CERK: variants seen among roughly 807,000 people sequenced by gnomAD.
CERK encodes the protein ceramide kinase, also known as acylsphingosine kinase.
CERK carries 39 observed loss-of-function variants against 63.4 expected under a neutral mutation model. That is an observed-to-expected ratio of 0.61 (90% CI 0.48 to 0.80). The LOEUF is 0.80. Among genes scored for constraint, CERK ranks in the 30% least tolerant of loss-of-function variants. CERK has a pLI of 0.00. For missense variants in CERK, 670 were observed against 714.1 expected, an observed-to-expected ratio of 0.94 and a Z score of 0.70; for synonymous variants, 302 against 280.0, an observed-to-expected ratio of 1.08 and a Z score of -0.78.
At chr22:46,700,324 C>T (rs915583407) in intron 7 of CERK, among the ~76,000 whole-genome samples, 13 of 152,060 alleles carry the variant, frequency 8.5e-5, no homozygotes, top group Non-Finnish European at 2.9e-5. Flanking sequence ...ACCCGGGAGG[C>T]GGAGGTTGCA....
At position 46,711,091 on chromosome 22, in the gene CERK, G is replaced by T; in HGVS notation, c.564C>A (p.Tyr188Ter). 6.2e-7 allele frequency: 1 copy of T among 1,612,490 alleles called. No individual in the cohort carries two copies. The highest frequency in any genetic ancestry group is 1.7e-5 in the Admixed American group (1 of 59,920). The change falls in exon 5 of 13, where the codon TAC (tyrosine) becomes TAA (stop). Residue 188 changes from tyrosine to a stop codon, truncating the protein, a stop_gained. Coordinates refer to ENST00000216264, the MANE Select transcript of CERK (RefSeq NM_022766.6). LOFTEE classifies it high-confidence loss of function. Reference protein sequence around the residue: ...ETLYEINIDKYDGIVCVGGDG... With the variant: ...ETLYEINIDK ...ATGAAAGACGGCTTACTCACCCGTC[G>T]TATTTGTCTATGTTAATCTCATACA...
chr22:46,712,050 G>A, intron 4 of CERK, 118 bp downstream of exon 4: 5 of 1,118,576 alleles, frequency 4.5e-6, no homozygotes, highest in Non-Finnish European at 6.4e-6. Flanking sequence ...TTGCACCACT[G>A]CACTCCAGCC....
At chr22:46,727,978 C>T (rs764054298) in intron 1 of CERK, among the ~76,000 whole-genome samples, 7 of 152,180 alleles carry the variant, frequency 4.6e-5, no homozygotes, top group Non-Finnish European at 5.9e-5. Flanking sequence ...GCACAGCCCA[C>T]GTGGCAGCCA....
At chr22:46,694,230 C>T (rs1232246762) in intron 9 of CERK, among the ~76,000 whole-genome samples, 20 of 152,180 alleles carry the variant, frequency 1.3e-4, no homozygotes, top group Non-Finnish European at 2.9e-5. Context: ...TGTCCTCAGC[C>T]CCAGGCAGAG....
At chr22:46,701,405 A>C (rs1254503691) in intron 7 of CERK, among the ~76,000 whole-genome samples, 1 of 152,276 alleles carries the variant, frequency 6.6e-6, no homozygotes, top group Non-Finnish European at 1.5e-5. Context: ...CGTGGGAAAG[A>C]ACTCGGCCCA....
intron 1 of CERK, among the ~76,000 whole-genome samples, chr22:46,736,256 A>C (rs1458790758): frequency 6.6e-6 from 1 of 152,202 alleles, no homozygotes; most frequent in African/African-American, 2.4e-5. Flanking sequence ...AGAAACCATA[A>C]TGGGAGCTGG....
rs141210280 is a variant in CERK at position 46,691,056 on chromosome 22, TACACACACACACAC to T, written c.1332+502_1332+515del. ...ACATACACACACATGTATACATACATACACACACACACACACACACACACACACATATATTTGAG... is the reference window on the plus strand; with the variant it reads ...ACATACACACACATGTATACATACATACACACACACACACATATATTTGAG... On this transcript the variant is annotated intron_variant, in intron 11 of 12. Transcript: ENST00000216264. Among the ~76,000 whole-genome samples, 453 of 147,304 alleles carry T rather than the reference TACACACACACACAC, an allele frequency of 3.1e-3. 1 individual carries two copies. Among genetic ancestry groups the T allele is most frequent in the African/African-American group, 0.011 (438 of 39,752 alleles).
At chr22:46,691,835 G>C in intron 10 of CERK, 58 bp from the exon 11 acceptor site, 1 of 1,468,074 alleles carries the variant, frequency 6.8e-7, no homozygotes, top group Non-Finnish European at 9.3e-7. Context: ...GCAGCGCCCT[G>C]CACCAGGACG....
At chr22:46,720,334 C>A in intron 2 of CERK, 126 bp from the exon 3 acceptor site, 1 of 1,051,310 alleles carries the variant, frequency 9.5e-7, no homozygotes, top group Non-Finnish European at 1.3e-6. Flanking sequence ...GGTTCTCCTC[C>A]CTTCTAATTA....
At chr22:46,720,860 GAATT>G (rs1472299167) in intron 2 of CERK, 38 bp downstream of exon 2, 7 of 1,205,168 alleles carry the variant, frequency 5.8e-6, no homozygotes, top group Non-Finnish European at 6.2e-6. Flanking sequence ...AATCTACATA[GAATT>G]AATGAAGAAT....
intron 3 of CERK, among the ~76,000 whole-genome samples, chr22:46,716,668 G>A (rs888445613): frequency 6.6e-6 from 1 of 152,032 alleles, no homozygotes; most frequent in Admixed American, 6.5e-5. Context: ...GCTGGGCATG[G>A]TGGCTCATGC....
At chr22:46,709,103 C>T (rs1304431421) in intron 5 of CERK, among the ~76,000 whole-genome samples, 3 of 152,158 alleles carry the variant, frequency 2.0e-5, no homozygotes, top group African/African-American at 7.2e-5. Flanking sequence ...GCCTTCCCAG[C>T]GGGGCTGTGG....
Position 46,691,750 on chromosome 22 carries a change from C to A in CERK, c.1154G>T (p.Cys385Phe), listed in dbSNP as rs1169296910. Residue 385 changes from cysteine to phenylalanine, a missense_variant, in exon 11 of 13, where the codon TGT becomes TTT. By Grantham distance (205) the Cys-to-Phe change is radical. Coordinates refer to ENST00000216264, the MANE Select transcript of CERK (RefSeq NM_022766.6). Reference protein sequence around the residue: ...AEDVEEWQVVCGKFLAINATN... With the variant: ...AEDVEEWQVVFGKFLAINATN... ...GGCATTGATGGCCAGAAACTTCCCA[C>A]AGACGACTTGCCACTCCTCCACGTC... 1 of 1,612,302 alleles carries A rather than the reference C, an allele frequency of 6.2e-7. No homozygotes were observed. The highest frequency in any genetic ancestry group is 8.5e-7 in the Non-Finnish European group (1 of 1,178,594).
chr22:46,711,332 G>A (rs775590033), intron 4 of CERK, among the ~76,000 whole-genome samples, 183 bp from the exon 5 acceptor site: 6 of 152,146 alleles, frequency 3.9e-5, no homozygotes, highest in Admixed American at 6.5e-5. Context: ...CTCAGGGAAC[G>A]TGAACATGAA....
rs538016236 is a variant in CERK, at chr22:46,690,844, C to T, written c.1333-644G>A. ...AGGGCCACTTACATCTTTACTGTGT[C>T]GCTTTGTTCTGTTTTTAAATAGGAA... On this transcript the variant is annotated intron_variant, in intron 11 of 12. Transcript: ENST00000216264. Among the ~76,000 whole-genome samples the T allele has an allele frequency of 1.3e-4, 20 of 152,124 alleles. No individual in the cohort carries two copies. In the South Asian group the frequency reaches 4.1e-3, roughly 32 times the overall value.
chr22:46,707,767 C>T (rs1349151078), intron 6 of CERK, 76 bp downstream of exon 6: 11 of 1,503,732 alleles, frequency 7.3e-6, no homozygotes, highest in East Asian at 4.6e-5. Flanking sequence ...ATTAAGTGTC[C>T]GAGGTGGCTA....
chr22:46,728,699 CG>C (rs2082931748), intron 1 of CERK, among the ~76,000 whole-genome samples: 1 of 152,236 alleles, frequency 6.6e-6, no homozygotes, highest in African/African-American at 2.4e-5. Context: ...GGCAGTGAAC[CG>C]GGGACACCAG....
intron 6 of CERK, among the ~76,000 whole-genome samples, chr22:46,702,194 A>AT (rs1569321955): frequency 1.4e-5 from 2 of 146,160 alleles, no homozygotes; most frequent in African/African-American, 5.0e-5. Flanking sequence ...AAAAAAAAAA[A>AT]GGAGCCAAAA....
intron 12 of CERK, among the ~76,000 whole-genome samples, chr22:46,689,555 G>C (rs571018057): frequency 6.6e-6 from 1 of 152,072 alleles, no homozygotes; most frequent in Non-Finnish European, 1.5e-5. Context: ...TGTATTTTTA[G>C]TAGAGACGGG....
Sources: gnomAD v4.1 joint callset for allele counts (sites outside exome capture counted in the v4.1 genomes callset) on GRCh38, gnomAD v4.1.1 for gene constraint, MANE v1.5 for transcripts, NCBI Gene and HGNC (gene_info 2026-07-23, HGNC 2026-07-21) for gene names.